The following STRC variants were observed in gnomAD, a reference collection of about 807,000 sequenced individuals.
The protein encoded by STRC is stereocilin.
STRC carries 43 observed loss-of-function variants against 103.5 expected under a neutral mutation model. The ratio of observed to expected loss-of-function variants is 0.42; its 90% CI spans 0.33 to 0.54. STRC has a LOEUF of 0.54. STRC is among the 20% of genes least tolerant of loss of function. The probability of loss-of-function intolerance (pLI) is 0.14; values close to 1 mark genes in which losing one functional copy is unlikely to be tolerated. For missense variants in STRC, 499 were observed against 1,088.5 expected, an observed-to-expected ratio of 0.46 and a Z score of 7.62; for synonymous variants, 186 against 442.3, an observed-to-expected ratio of 0.42 and a Z score of 7.27.
intron 22 of STRC, 188 bp from the exon 23 acceptor site, chr15:43,603,599 G>A (rs2085689965): frequency 7.0e-6 from 5 of 717,306 alleles, no homozygotes; most frequent in Admixed American, 2.2e-5. Flanking sequence ...GATTGGAGAT[G>A]CCAAGACTTT....
In STRC at chr15:43,603,852, A is replaced by C; in HGVS notation, c.4375+144T>G. ...CCCAGAACTACAGAATTCTAGAACT[A>C]CAAGAGGCTTGAAGATCATCCCTCT... On this transcript the variant is annotated intron_variant, in intron 22 of 28. Transcript: ENST00000450892. 3 of 1,468,480 alleles carry C rather than the reference A, an allele frequency of 2.0e-6. No homozygotes were observed. In the South Asian group the frequency reaches 4.0e-5, roughly 19 times the overall value. The allele number at this position is 1,468,480 out of a possible 1,614,324, so 91.0% of individuals were successfully genotyped here.
intron 19 of STRC, 143 bp downstream of exon 19, chr15:43,605,121 C>G: frequency 2.0e-6 from 3 of 1,524,198 alleles, no homozygotes; most frequent in Non-Finnish European, 2.7e-6. Context: ...AGAGGCAAAA[C>G]AGGGGCCAGG....
intron 13 of STRC, 52 bp from the exon 14 acceptor site, chr15:43,611,036 G>GTGTGTGTC (rs1567119412): frequency 6.2e-7 from 1 of 1,604,406 alleles, no homozygotes; most frequent in African/African-American, 1.4e-5. Context: ...GTGTGTGTGT[G>GTGTGTGTC]TGTAAGTGGG....
At chr15:43,604,177 T>C in intron 21 of STRC, 25 bp from the exon 22 acceptor site, 1 of 1,607,874 alleles carries the variant, frequency 6.2e-7, no homozygotes, top group Non-Finnish European at 8.5e-7. Flanking sequence ...AGAAGGAGAG[T>C]GGGGAGATCT....
In STRC at chr15:43,607,973, C is replaced by T. The variant is rs370632385; in HGVS notation, c.3684G>A (p.Arg1228=). 1.8e-5 allele frequency: 29 copies of T among 1,610,424 alleles called. No individual in the cohort carries two copies. Among genetic ancestry groups the T allele is most frequent in the Non-Finnish European group, 2.5e-5 (29 of 1,179,460 alleles). The part of the protein sequence containing the change: ...QLPTRVRGSL[R]ACIWAELQRR... ...GCTGTAGCTCTGCCCAGATACAGGC[C>T]CTCTGTAGGGAAGCAGTGTGAGGCC... is the stretch of plus-strand genomic sequence containing the variant. Residue 1228 remains arginine, a splice_region_variant and synonymous_variant, in exon 18 of 29, where the codon AGG becomes AGA. Coordinates refer to ENST00000450892, the MANE Select transcript of STRC (RefSeq NM_153700.2).
intron 13 of STRC, 27 bp from the exon 14 acceptor site, chr15:43,611,011 T>C (rs757345526): frequency 6.8e-6 from 11 of 1,610,658 alleles, no homozygotes; most frequent in Non-Finnish European, 8.5e-6. Flanking sequence ...TGTGTGTGTG[T>C]GTGTGTGTGT....
chr15:43,603,662 T>A, intron 22 of STRC: 3 of 631,258 alleles, frequency 4.8e-6, no homozygotes, highest in South Asian at 3.8e-5. Context: ...AGCACTGAAT[T>A]TGAACCCAGT....
chr15:43,604,077 G>A lies in STRC; in HGVS notation c.4294C>T (p.Leu1432=), dbSNP rs185800736. ...GCAGCAAGCTGTGGCTCCCTACACA[G>A]CTGTCCAACTCTGCTCTGCTCCCAG... ...QSWEQSRVGQ[L]CREPQLAAKK... Residue 1432 remains leucine (L), a synonymous_variant, in exon 22 of 29, where the codon CTG becomes TTG. Coordinates refer to ENST00000450892, the MANE Select transcript of STRC (RefSeq NM_153700.2). 9.3e-6 allele frequency: 15 copies of A among 1,613,324 alleles called. No homozygotes were observed. In the African/African-American group the frequency reaches 1.7e-4, roughly 19 times the overall value.
chr15:43,603,769 CGA>C (rs1014057727), intron 22 of STRC, among the ~76,000 whole-genome samples: 35 of 152,022 alleles, frequency 2.3e-4, no homozygotes, highest in African/African-American at 8.0e-4. Flanking sequence ...AGAGCAGACA[CGA>C]GAGAGCAGGA....
rs769647750 is a variant in STRC at position 43,605,214 on chromosome 15, C to G, written c.3930+50G>C. 4.4e-6 allele frequency: 7 copies of G among 1,574,690 alleles called. No individual in the cohort carries two copies. In the Admixed American group the frequency reaches 7.4e-5, roughly 17 times the overall value. The stretch of plus-strand genomic sequence containing the variant: ...CAGTCAGAGAGCATTGTCTGAGGAG[C>G]AAGAATTGCCCAGGGCAGCAAATCT... On this transcript the variant is annotated intron_variant, in intron 19 of 28. Transcript: ENST00000450892.
Position 43,601,450 on chromosome 15 carries a change from C to G in STRC, c.4647G>C (p.Val1549=), listed in dbSNP as rs1461589747. Residue 1549 remains valine (V), a synonymous_variant, in exon 24 of 29, where the codon GTG becomes GTC. Transcript: ENST00000450892. ...GDRELQELIL[V]DWGVLSTLGQ... Reference sequence around the variant, plus strand: ...CCAGGGTGCTCAGCACTCCCCAGTCCACTAGGATCAGCTCCTGTAGTTCCC... The same window carrying G: ...CCAGGGTGCTCAGCACTCCCCAGTCGACTAGGATCAGCTCCTGTAGTTCCC... 1 of 1,613,778 alleles carries G rather than the reference C, an allele frequency of 6.2e-7. No individual in the cohort carries two copies. The highest frequency in any genetic ancestry group is 1.3e-5 in the African/African-American group (1 of 74,958).
intron 23 of STRC, 144 bp from the exon 24 acceptor site, chr15:43,601,695 G>A (rs1307317438): frequency 2.4e-6 from 2 of 835,512 alleles, no homozygotes; most frequent in Non-Finnish European, 3.9e-6. Context: ...ACTATAAAAT[G>A]AGACCGTTGC....
At chr15:43,608,023 C>A (rs768320783) in intron 17 of STRC, 48 bp from the exon 18 acceptor site, 2 of 1,610,938 alleles carry the variant, frequency 1.2e-6, no homozygotes, top group South Asian at 1.1e-5. Flanking sequence ...GAGCTGGGTT[C>A]TATACCTAGG....
Position 43,604,102 on chromosome 15 carries a change from G to T in STRC, c.4269C>A (p.Ser1423Arg). ...TLERLLEKQQ[S>R]WEQSRVGQLC... ...GCTGTCCAACTCTGCTCTGCTCCCA[G>T]CTCTGCTGCTTTTCTAGAAGCCGCT... is the stretch of plus-strand genomic sequence containing the variant. The change falls in exon 22 of 29, where the codon AGC becomes AGA. Residue 1423 changes from serine to arginine, a missense_variant. Transcript: ENST00000450892. 6.2e-7 allele frequency: 1 copy of T among 1,612,800 alleles called. No individual in the cohort carries two copies. The highest frequency in any genetic ancestry group is 1.1e-5 in the South Asian group (1 of 90,912).
rs1375651465 is a variant in STRC, at chr15:43,600,585, G to A, written c.4942C>T (p.Pro1648Ser). Residue 1648 changes from proline (P) to serine (S), a missense_variant, in exon 26 of 29, where the codon CCA becomes TCA. Physicochemically the swap from Pro to Ser is moderately conservative, Grantham distance 74. Coordinates refer to ENST00000450892, the MANE Select transcript of STRC (RefSeq NM_153700.2). ...HLLVLPGGFG[P>S]ISNWGPEIFT... ...ATCTCAGGCCCCCAGTTACTGATTGGGCCAAACCCACCAGGCAGTACAAGT... is the reference window on the plus strand; with the variant it reads ...ATCTCAGGCCCCCAGTTACTGATTGAGCCAAACCCACCAGGCAGTACAAGT... 6.2e-7 allele frequency: 1 copy of A among 1,613,192 alleles called. No homozygotes were observed. Among genetic ancestry groups the A allele is most frequent in the South Asian group, 1.1e-5 (1 of 91,036 alleles).
In STRC at chr15:43,601,006, A is replaced by G. The variant is rs1490698183; in HGVS notation, c.4710T>C (p.Ile1570=). 3 of 922,310 alleles carry G rather than the reference A, an allele frequency of 3.3e-6. No individual in the cohort carries two copies. The highest frequency in any genetic ancestry group is 2.0e-5 in the Admixed American group (1 of 50,166). The allele number at this position is 922,310 out of a possible 1,614,324, so 57.1% of individuals were successfully genotyped here. A position where few individuals can be genotyped will look rare whatever the true frequency, so the allele number is the denominator to read the frequency against. Residue 1570 remains isoleucine (I), a synonymous_variant, in exon 25 of 29, where the codon ATT becomes ATC. Transcript: ENST00000450892. ...IDGWSTTQLR[I]VVSSFLRQSG... is the part of the protein sequence containing the mutation. ...TCTGCCGTAGGAAACTGGAGACCAC[A>G]ATGCGGAGCTGGGGTGGGGGGTGGG...
intron 22 of STRC, chr15:43,603,670 A>C (rs2085690467): frequency 1.6e-6 from 1 of 631,078 alleles, no homozygotes; most frequent in Non-Finnish European, 2.7e-6. Flanking sequence ...ATTTGAACCC[A>C]GTTCTCCAGC....
chr15:43,603,424 G>C lies in STRC; in HGVS notation c.4376-13C>G, dbSNP rs753347654. ...TTTGGCACAGGTTCTGAAGGGGGAA[G>C]GCAGGGCCAGGAGGTCAGCGCAGTA... On this transcript the variant is annotated splice_polypyrimidine_tract_variant and intron_variant, in intron 22 of 28. Transcript: ENST00000450892. 37 of 1,612,144 alleles carry C rather than the reference G, an allele frequency of 2.3e-5. 1 individual carries two copies. In the East Asian group the frequency reaches 7.6e-4, roughly 33 times the overall value.
At position 43,600,972 on chromosome 15, in the gene STRC, G is replaced by A. The variant is rs371120929; in HGVS notation, c.4744C>T (p.His1582Tyr). 1.3e-6 allele frequency: 2 copies of A among 1,558,256 alleles called. No individual in the cohort carries two copies. Among genetic ancestry groups the A allele is most frequent in the African/African-American group, 2.9e-5 (2 of 69,426 alleles). Residue 1582 changes from histidine to tyrosine, a missense_variant, in exon 25 of 29, where the codon CAT becomes TAT. Transcript: ENST00000450892. ...TGAACGAAGTCCAGGTGGCTCACAT[G>A]CCGACCACTCTGCCGTAGGAAACTG... ...VSSFLRQSGR[H>Y]VSHLDFVHLT...
Sources: gnomAD v4.1 joint callset for allele counts (sites outside exome capture counted in the v4.1 genomes callset) on GRCh38, gnomAD v4.1.1 for gene constraint, MANE v1.5 for transcripts, NCBI Gene and HGNC (gene_info 2026-07-23, HGNC 2026-07-21) for gene names.